Variants in SSC4D observed in about 807,000 individuals in gnomAD.
SSC4D encodes the protein scavenger receptor cysteine rich family member with 4 domains.
Under a neutral mutation model 63.4 loss-of-function variants are expected in SSC4D, and 57 were observed. The observed-to-expected ratio is 0.90, with a 90% CI of 0.73 to 1.12. SSC4D has a LOEUF of 1.12. Among genes scored for constraint, SSC4D ranks in the 50% most tolerant of loss-of-function variants. The pLI is 0.00. For missense variants in SSC4D, 791 were observed against 806.4 expected, an observed-to-expected ratio of 0.98 and a Z score of 0.23; for synonymous variants, 352 against 345.4, an observed-to-expected ratio of 1.02 and a Z score of -0.21.
At chr7:76,407,362 C>T (rs997922319) in intron 1 of SSC4D, among the ~76,000 whole-genome samples, 85 of 151,744 alleles carry the variant, frequency 5.6e-4, no homozygotes, top group African/African-American at 1.8e-3. Flanking sequence ...GACAGAGTCT[C>T]GCCTTGTCGC....
chr7:76,399,501 G>T (rs952864768), intron 4 of SSC4D, among the ~76,000 whole-genome samples: 2 of 151,946 alleles, frequency 1.3e-5, no homozygotes, highest in African/African-American at 4.8e-5. Context: ...TCTATGCCAC[G>T]TGGAGCGCAT....
At chr7:76,397,118 T>A (rs1014373553) in intron 6 of SSC4D, among the ~76,000 whole-genome samples, 1 of 152,152 alleles carries the variant, frequency 6.6e-6, no homozygotes, top group African/African-American at 2.4e-5. Flanking sequence ...AGTCTGTCTC[T>A]GTCACCCTGG....
At position 76,390,086 on chromosome 7, in the gene SSC4D, A is replaced by C. The variant is rs961992484; in HGVS notation, c.1701T>G (p.Asp567Glu). 1.5e-5 allele frequency: 25 copies of C among 1,614,074 alleles called. No homozygotes were observed. Among genetic ancestry groups the C allele is most frequent in the Non-Finnish European group, 2.0e-5 (24 of 1,180,038 alleles). ...WDAHNCDHSEDASVLCQPS is the reference protein window; with the variant it reads ...WDAHNCDHSEEASVLCQPS The stretch of plus-strand genomic sequence containing the variant: ...ATGAAGGCTGGCACAGGACACTGGC[A>C]TCCTCGCTGTGGTCACAGTTGTGGG... Residue 567 changes from aspartate (D) to glutamate (E), a missense_variant, in exon 11 of 11, where the codon GAT becomes GAG. Transcript: ENST00000275560.
At chr7:76,394,154 A>G (rs1804575083) in intron 7 of SSC4D, among the ~76,000 whole-genome samples, 1 of 152,122 alleles carries the variant, frequency 6.6e-6, no homozygotes, top group African/African-American at 2.4e-5. Flanking sequence ...CCTAATTCCA[A>G]TTGCACTGCT....
Position 76,397,750 on chromosome 7 carries a change from G to C in SSC4D, c.636C>G (p.Thr212=). 1.2e-6 allele frequency: 2 copies of C among 1,613,140 alleles called. No individual in the cohort carries two copies. Among genetic ancestry groups the C allele is most frequent in the Non-Finnish European group, 1.7e-6 (2 of 1,179,704 alleles). Residue 212 remains threonine (T), a synonymous_variant, in exon 6 of 11, where the codon ACC becomes ACG. Transcript: ENST00000275560. ...VEILHSGLWG[T]VCDDDWGLPD... ...GCAGCCCCCAGTCGTCGTCACACAC[G>C]GTGCCCCACAGGCCACTGTGCAGGA...
rs1219711933 is a variant in SSC4D at position 76,397,638 on chromosome 7, G to C, written c.748C>G (p.His250Asp). The change falls in exon 6 of 11, where the codon CAC becomes GAC. Residue 250 changes from histidine to aspartate, a missense_variant. His to Asp is a moderately conservative substitution (Grantham distance 81). Coordinates refer to ENST00000275560, the MANE Select transcript of SSC4D (RefSeq NM_080744.2). ...TNAFFGYGTG[H>D]ILLDNVHCEG... The stretch of plus-strand genomic sequence containing the variant: ...CAGTGCACGTTGTCCAGCAGGATGT[G>C]TCCGGTGCCATAGCCGAAGAAGGCG... 1.9e-6 allele frequency: 3 copies of C among 1,613,712 alleles called. No individual in the cohort carries two copies. Among genetic ancestry groups the C allele is most frequent in the Non-Finnish European group, 2.5e-6 (3 of 1,179,832 alleles).
chr7:76,400,462 C>T lies in SSC4D; in HGVS notation c.299G>A (p.Gly100Asp), dbSNP rs748331950. 3.7e-6 allele frequency: 6 copies of T among 1,608,444 alleles called. No homozygotes were observed. In the African/African-American group the frequency reaches 6.7e-5, roughly 18 times the overall value. Reference sequence around the variant, plus strand: ...TGGCACGGGCAGTGCCAGGCCACAGCCCAGCTGGCGACACACTACGTTGGC... The same window carrying T: ...TGGCACGGGCAGTGCCAGGCCACAGTCCAGCTGGCGACACACTACGTTGGC... Reference protein sequence around the residue: ...VDANVVCRQLGCGLALPVPRP... With the variant: ...VDANVVCRQLDCGLALPVPRP... The change falls in exon 4 of 11, where the codon GGC becomes GAC. Residue 100 changes from glycine to aspartate, a missense_variant. Transcript: ENST00000275560.
Position 76,391,302 on chromosome 7 carries a change from G to A in SSC4D, c.1411+662C>T, listed in dbSNP as rs1260935795. On this transcript the variant is annotated intron_variant, in intron 10 of 10. Transcript: ENST00000275560. ...TACAAACGCACAAAATTAGCTGGGT[G>A]TGGTGGCACATGTCTATAATCCCAC... 3.9e-5 allele frequency among the ~76,000 whole-genome samples: 6 copies of A among 151,998 alleles called. No individual in the cohort carries two copies. The East Asian group carries it at 1.2e-3, about 29-fold the overall frequency.
chr7:76,395,455 G>A, intron 6 of SSC4D, 125 bp from the exon 7 acceptor site: 2 of 958,064 alleles, frequency 2.1e-6, no homozygotes, highest in Non-Finnish European at 3.2e-6. Flanking sequence ...TCCAGGGCTG[G>A]TGGCCCAGCC....
chr7:76,390,455 AG>A, intron 10 of SSC4D, 80 bp from the exon 11 acceptor site: 1 of 1,338,588 alleles, frequency 7.5e-7, no homozygotes, highest in Non-Finnish European at 1.0e-6. Context: ...GGCAGTAAAG[AG>A]AGGTCTGAGA....
rs772638557 is a variant in SSC4D at position 76,390,031 on chromosome 7, G to A, written c.*28C>T. 5 of 1,613,330 alleles carry A rather than the reference G, an allele frequency of 3.1e-6. No individual in the cohort carries two copies. The highest frequency in any genetic ancestry group is 1.3e-5 in the African/African-American group (1 of 75,058). On this transcript the variant is annotated 3_prime_UTR_variant, in exon 11 of 11. Coordinates refer to ENST00000275560, the MANE Select transcript of SSC4D (RefSeq NM_080744.2). The stretch of plus-strand genomic sequence containing the variant: ...GGAAGGGAGGTCACAGCTCCCAGAA[G>A]AAGAGGTGGTCTGCAGAGCGGGCTG...
intron 1 of SSC4D, among the ~76,000 whole-genome samples, chr7:76,408,176 C>T (rs1183856716): frequency 1.3e-5 from 2 of 152,102 alleles, no homozygotes; most frequent in Non-Finnish European, 1.5e-5. Context: ...AGCTCCCCAC[C>T]ATCCCTCCAA....
chr7:76,392,090 C>T, intron 9 of SSC4D, 49 bp from the exon 10 acceptor site: 1 of 1,540,400 alleles, frequency 6.5e-7, no homozygotes, highest in South Asian at 1.2e-5. Flanking sequence ...CAATGGGAAG[C>T]ATGTTCCTTA....
chr7:76,392,051 G>A lies in SSC4D; in HGVS notation c.1334-10C>T. 1.3e-6 allele frequency: 2 copies of A among 1,562,276 alleles called. No homozygotes were observed. The highest frequency in any genetic ancestry group is 1.7e-6 in the Non-Finnish European group (2 of 1,152,682). ...CCCAGCTCCTCTGGGCCTGGTTCAG[G>A]AAGGACAGAGATAAAGAGGTGGCTC... is the stretch of plus-strand genomic sequence containing the variant. On this transcript the variant is annotated splice_polypyrimidine_tract_variant and intron_variant, in intron 9 of 10. Transcript: ENST00000275560.
chr7:76,391,531 T>C (rs1322354656), intron 10 of SSC4D, among the ~76,000 whole-genome samples: 1 of 152,188 alleles, frequency 6.6e-6, no homozygotes, highest in East Asian at 1.9e-4. Context: ...CCGCGACGTG[T>C]ACTGGGTGCT....
Position 76,398,774 on chromosome 7 carries a change from T to C in SSC4D, c.499A>G (p.Thr167Ala), listed in dbSNP as rs765137498. 5.6e-6 allele frequency: 9 copies of C among 1,613,020 alleles called. No individual in the cohort carries two copies. Among genetic ancestry groups the C allele is most frequent in the South Asian group, 1.1e-5 (1 of 91,072 alleles). ...GCTCTACTGGTTAACATCTTCCTTG[T>C]TGGGGGCTGCGTTGGCAAGAATTCT... Reference protein sequence around the residue: ...CDEFLPTQPPTRKMLTSRAPP... With the variant: ...CDEFLPTQPPARKMLTSRAPP... The change falls in exon 5 of 11, where the codon ACA becomes GCA. Residue 167 changes from threonine to alanine, a missense_variant. Physicochemically the swap from Thr to Ala is moderately conservative, Grantham distance 58 (BLOSUM62 0). Transcript: ENST00000275560.
Position 76,398,733 on chromosome 7 carries a change from C to CAGTGTCGT in SSC4D, c.532_539dup (p.Pro181ArgfsTer15), listed in dbSNP as rs751197480. 1 of 1,613,258 alleles carries CAGTGTCGT rather than the reference C, an allele frequency of 6.2e-7. No individual in the cohort carries two copies. The highest frequency in any genetic ancestry group is 1.1e-5 in the South Asian group (1 of 91,058). ...ATGCTTACGTACTTTTTCCATTCGG[C>CAGTGTCGT]AGTGTCGTAGGAGGTGCTCTACTGG... On this transcript the variant is annotated frameshift_variant, in exon 5 of 11. Coordinates refer to ENST00000275560, the MANE Select transcript of SSC4D (RefSeq NM_080744.2). LOFTEE classifies it high-confidence loss of function.
In SSC4D at chr7:76,393,643, C is replaced by G; in HGVS notation, c.1095G>C (p.Trp365Cys). The change falls in exon 9 of 11, where the codon TGG becomes TGC. Residue 365 changes from tryptophan to cysteine, a missense_variant. Trp to Cys is a radical substitution (Grantham distance 215, BLOSUM62 -2). Coordinates refer to ENST00000275560, the MANE Select transcript of SSC4D (RefSeq NM_080744.2). ...GRVEVLHAGG[W>C]GTVCDDDWDF... ...CCCAGTCATCGTCGCACACGGTGCC[C>G]CAGCCCCCGGCGTGCAACACCTCCA... 1.3e-6 allele frequency: 2 copies of G among 1,483,658 alleles called. No individual in the cohort carries two copies. The highest frequency in any genetic ancestry group is 1.8e-6 in the Non-Finnish European group (2 of 1,122,810). The allele number at this position is 1,483,658 out of a possible 1,614,324, so 91.9% of individuals were successfully genotyped here.
At chr7:76,391,822 C>T (rs1804499400) in intron 10 of SSC4D, 142 bp downstream of exon 10, 3 of 818,818 alleles carry the variant, frequency 3.7e-6, no homozygotes, top group South Asian at 3.0e-5. Context: ...ACAAAGGAGG[C>T]CTGAGACCAA....
Sources: gnomAD v4.1 joint callset for allele counts (sites outside exome capture counted in the v4.1 genomes callset) on GRCh38, gnomAD v4.1.1 for gene constraint, MANE v1.5 for transcripts, NCBI Gene and HGNC (gene_info 2026-07-23, HGNC 2026-07-21) for gene names.